DNAH8: variants seen among roughly 807,000 people sequenced by gnomAD.
DNAH8 encodes the protein dynein axonemal heavy chain 8, also known as axonemal beta dynein heavy chain 8.
A neutral mutation model predicts 562.1 loss-of-function variants in DNAH8; 382 were observed. That is an observed-to-expected ratio of 0.68 (90% CI 0.63 to 0.74). The LOEUF (loss-of-function observed/expected upper bound fraction) is 0.74, where lower values mean the gene tolerates loss of function less well. DNAH8 is among the 30% of genes least tolerant of loss of function. The pLI is 0.00. For missense variants in DNAH8, 5,203 were observed against 5,620.4 expected (o/e 0.93, Z 2.37); for synonymous variants, 1,881 against 1,919.4 (o/e 0.98, Z 0.52).
At chr6:38,736,951 A>G in intron 5 of DNAH8, 116 bp from the exon 6 acceptor site, 1 of 679,306 alleles carries the variant, frequency 1.5e-6, no homozygotes. Flanking sequence ...AGATTCCCTA[A>G]TAGTTTATAA....
chr6:38,915,481 A>G, intron 68 of DNAH8, 104 bp downstream of exon 68: 2 of 970,662 alleles, frequency 2.1e-6, no homozygotes, highest in Non-Finnish European at 2.8e-6. Context: ...TCTTAATGTG[A>G]TTGATAATCT....
chr6:38,842,801 A>G lies in DNAH8; in HGVS notation c.4743A>G (p.Arg1581=). 6.2e-7 allele frequency: 1 copy of G among 1,613,984 alleles called. No individual in the cohort carries two copies. Among genetic ancestry groups the G allele is most frequent in the Non-Finnish European group, 8.5e-7 (1 of 1,179,916 alleles). Residue 1581 remains arginine (R), a synonymous_variant, in exon 35 of 93, where the codon AGA becomes AGG. Transcript: ENST00000327475. ...NKAMKQRHWD[R]ISELTGTPFD... is the part of the protein sequence containing the mutation. ...CCATGAAACAGAGACACTGGGATAGAATCTCCGAGTTAACTGGAACCCCAT... is the reference window on the plus strand; with the variant it reads ...CCATGAAACAGAGACACTGGGATAGGATCTCCGAGTTAACTGGAACCCCAT...
chr6:38,829,573 A>G (rs1015663095), intron 30 of DNAH8, among the ~76,000 whole-genome samples: 4 of 152,216 alleles, frequency 2.6e-5, no homozygotes, highest in African/African-American at 9.6e-5. Context: ...TTGCATTGAC[A>G]TTGTTTACTG....
chr6:38,872,429 T>TA, intron 49 of DNAH8, 107 bp from the exon 50 acceptor site: 1 of 1,226,998 alleles, frequency 8.1e-7, no homozygotes, highest in South Asian at 1.5e-5. Flanking sequence ...GTGAACTAGT[T>TA]ACGTTAATGA....
At chr6:38,979,585 C>A (rs1382508648) in intron 85 of DNAH8, among the ~76,000 whole-genome samples, 1 of 152,032 alleles carries the variant, frequency 6.6e-6, no homozygotes, top group Admixed American at 6.5e-5. Context: ...CTTTTTTTCC[C>A]AAGATGAGCT....
chr6:38,742,119 G>A (rs1442252868), intron 8 of DNAH8, among the ~76,000 whole-genome samples: 2 of 152,150 alleles, frequency 1.3e-5, no homozygotes. Flanking sequence ...TTTTAGGAAA[G>A]TGATCATCTT....
At chr6:38,958,169 T>A (rs1043102313) in intron 82 of DNAH8, among the ~76,000 whole-genome samples, 3 of 77,252 alleles carry the variant, frequency 3.9e-5, no homozygotes, top group African/African-American at 1.5e-4. Context: ...GCCTGACTAA[T>A]TTTTTTTTTG....
chr6:38,792,801 C>T (rs1175163267), intron 21 of DNAH8, among the ~76,000 whole-genome samples: 1 of 152,056 alleles, frequency 6.6e-6, no homozygotes, highest in African/African-American at 2.4e-5. Flanking sequence ...TTTTTTGAGA[C>T]AGGGTCTTGC....
intron 12 of DNAH8, 120 bp downstream of exon 12, chr6:38,770,679 T>G: frequency 2.1e-6 from 2 of 940,420 alleles, no homozygotes; most frequent in South Asian, 5.5e-5. Flanking sequence ...TGTTATGACT[T>G]GTCTAATATT....
chr6:38,912,135 T>C (rs1780953740), intron 66 of DNAH8, among the ~76,000 whole-genome samples: 1 of 152,152 alleles, frequency 6.6e-6, no homozygotes, highest in African/African-American at 2.4e-5. Flanking sequence ...CCAAACAATC[T>C]AAAACACCTT....
rs1391956135 is a variant in DNAH8 at position 38,815,673 on chromosome 6, T to C, written c.3523+16T>C. 1 of 1,597,410 alleles carries C rather than the reference T, an allele frequency of 6.3e-7. No individual in the cohort carries two copies. Among genetic ancestry groups the C allele is most frequent in the Admixed American group, 1.7e-5 (1 of 59,594 alleles). Reference sequence around the variant, plus strand: ...AAGGAAGAAAGTAAGAATGTAAAATTAGTCAATGATCTTACTGATCCTTTT... The same window carrying C: ...AAGGAAGAAAGTAAGAATGTAAAATCAGTCAATGATCTTACTGATCCTTTT... On this transcript the variant is annotated intron_variant, in intron 26 of 92. Coordinates refer to ENST00000327475, the MANE Select transcript of DNAH8 (RefSeq NM_001206927.2).
At position 38,826,333 on chromosome 6, in the gene DNAH8, C is replaced by T; in HGVS notation, c.4025C>T (p.Ala1342Val). Reference protein sequence around the residue: ...DLDDVRFAMEALSCIRDNEIQ... With the variant: ...DLDDVRFAMEVLSCIRDNEIQ... ...GATGATGTCAGATTTGCAATGGAAG[C>T]CTTGTCTTGCATACGTGATAATGAA... Residue 1342 changes from alanine (A) to valine (V), a missense_variant, in exon 29 of 93, where the codon GCC becomes GTC. Around this residue, in one of 6 missense-constraint regions of DNAH8, gnomAD observed 2,176 missense variants for 2,365.1 expected, o/e 0.92. Transcript: ENST00000327475. The T allele has an allele frequency of 2.5e-6, 4 of 1,613,284 alleles. No homozygotes were observed. Among genetic ancestry groups the T allele is most frequent in the Admixed American group, 1.7e-5 (1 of 59,966 alleles).
At chr6:38,932,118 G>C in intron 76 of DNAH8, 125 bp downstream of exon 76, 1 of 615,242 alleles carries the variant, frequency 1.6e-6, no homozygotes, top group African/African-American at 1.9e-5. Flanking sequence ...GTTAACATAA[G>C]TATTTCTTTT....
At chr6:38,911,368 A>G in intron 65 of DNAH8, 100 bp from the exon 66 acceptor site, 1 of 876,438 alleles carries the variant, frequency 1.1e-6, no homozygotes, top group Middle Eastern at 2.2e-4. Context: ...CTGCTAGTGA[A>G]TCACTCTACA....
At chr6:38,793,691 T>G (rs1437413048) in intron 21 of DNAH8, among the ~76,000 whole-genome samples, 1 of 152,180 alleles carries the variant, frequency 6.6e-6, no homozygotes, top group African/African-American at 2.4e-5. Context: ...CTTTTTAAAA[T>G]TTATTAACTT....
intron 54 of DNAH8, 127 bp downstream of exon 54, chr6:38,883,179 C>A: frequency 7.5e-7 from 1 of 1,331,300 alleles, no homozygotes; most frequent in Non-Finnish European, 1.0e-6. Context: ...ACAACTGGGA[C>A]TTATTTTGAT....
At chr6:38,913,657 T>C (rs1781077459) in intron 66 of DNAH8, among the ~76,000 whole-genome samples, 192 bp from the exon 67 acceptor site, 1 of 152,218 alleles carries the variant, frequency 6.6e-6, no homozygotes, top group Admixed American at 6.5e-5. Context: ...TTTCTTTGCC[T>C]TCCTGTTGAA....
intron 33 of DNAH8, among the ~76,000 whole-genome samples, chr6:38,839,642 G>A (rs988716550): frequency 1.1e-4 from 16 of 151,680 alleles, no homozygotes; most frequent in Non-Finnish European, 2.4e-4. Context: ...TCAGGTGTGA[G>A]CACCCGCACC....
At chr6:38,843,019 C>A in intron 35 of DNAH8, 116 bp downstream of exon 35, 2 of 1,031,408 alleles carry the variant, frequency 1.9e-6, no homozygotes, top group Non-Finnish European at 1.4e-6. Flanking sequence ...CTATAATGCA[C>A]CCTCAAAATT....
Sources: allele counts gnomAD v4.1 joint callset (sites outside exome capture counted in the v4.1 genomes callset), GRCh38; gene constraint gnomAD v4.1.1; regional missense constraint gnomAD v4.1.1; transcripts MANE v1.5; gene names NCBI Gene and HGNC (gene_info 2026-07-23, HGNC 2026-07-21).